Variants in PALS1 observed in about 807,000 individuals in gnomAD.
PALS1 encodes the protein protein associated with LIN7 1, MAGUK p55 family member.
Under a neutral mutation model 78.9 loss-of-function variants are expected in PALS1, and 31 were observed. The observed-to-expected ratio is 0.39, with a 90% CI of 0.30 to 0.53. The LOEUF is 0.53. Ranked by LOEUF, PALS1 falls within the 20% of genes least tolerant of loss-of-function variation. The probability of loss-of-function intolerance (pLI) is 0.67; values close to 1 mark genes in which losing one functional copy is unlikely to be tolerated. For missense variants in PALS1, 704 were observed against 826.5 expected, an observed-to-expected ratio of 0.85 and a Z score of 1.82; for synonymous variants, 276 against 270.9, an observed-to-expected ratio of 1.02 and a Z score of -0.18.
intron 1 of PALS1, among the ~76,000 whole-genome samples, chr14:67,257,185 A>G (rs1209447180): frequency 1.3e-5 from 2 of 152,172 alleles, no homozygotes; most frequent in African/African-American, 4.8e-5. Context: ...TCAGTCTTTC[A>G]CTGAATACAC....
chr14:67,269,130 C>G (rs1047909002), intron 1 of PALS1, among the ~76,000 whole-genome samples: 8 of 152,104 alleles, frequency 5.3e-5, no homozygotes, highest in African/African-American at 1.9e-4. Flanking sequence ...AGTATGTGGT[C>G]GTGGTCCTTT....
chr14:67,260,508 G>A (rs1352439090), intron 1 of PALS1, among the ~76,000 whole-genome samples: 1 of 152,126 alleles, frequency 6.6e-6, no homozygotes, highest in African/African-American at 2.4e-5. Context: ...TGATTTCAAG[G>A]TAGACAATAA....
chr14:67,285,563 G>A (rs1283152788), intron 3 of PALS1, among the ~76,000 whole-genome samples: 2 of 150,056 alleles, frequency 1.3e-5, no homozygotes, highest in Non-Finnish European at 2.9e-5. Context: ...TAGAGATGGG[G>A]TTTCACCGTG....
In PALS1 at chr14:67,280,579, C is replaced by G. The variant is rs552588537; in HGVS notation, c.367+1042C>G. Among the ~76,000 whole-genome samples, 7 of 152,144 alleles carry G rather than the reference C, an allele frequency of 4.6e-5. No homozygotes were observed. In the East Asian group the frequency reaches 1.4e-3, roughly 29 times the overall value. On this transcript the variant is annotated intron_variant, in intron 3 of 14. Transcript: ENST00000261681. ...TAGTTAAACAACTTTTTAAAGACAC[C>G]AATGGTAGAGCCAAGTTTGAATTTG... is the stretch of plus-strand genomic sequence containing the variant.
intron 1 of PALS1, chr14:67,254,396 A>G (rs1803130954): frequency 6.6e-6 from 1 of 152,036 alleles, no homozygotes; most frequent in African/African-American, 2.4e-5. Flanking sequence ...TCTTGTTTAT[A>G]AGAATATCCT....
At chr14:67,286,310 CTGT>C (rs1567521786) in intron 3 of PALS1, among the ~76,000 whole-genome samples, 1 of 152,090 alleles carries the variant, frequency 6.6e-6, no homozygotes, top group Non-Finnish European at 1.5e-5. Context: ...CTTCTTGTGT[CTGT>C]TGTCTGTCTG....
chr14:67,284,547 T>TAAAAGAAA (rs2084651687), intron 3 of PALS1, among the ~76,000 whole-genome samples: 1 of 23,296 alleles, frequency 4.3e-5, no homozygotes, highest in Non-Finnish European at 9.8e-5. Flanking sequence ...GCTGCAGTGC[T>TAAAAGAAA]AAAAAAAAAA....
intron 1 of PALS1, among the ~76,000 whole-genome samples, chr14:67,259,230 ATG>A (rs1221481387): frequency 5.3e-5 from 8 of 152,066 alleles, no homozygotes; most frequent in African/African-American, 1.9e-4. Flanking sequence ...ATTTCTATAC[ATG>A]TATACCCTGT....
At chr14:67,276,603 C>T (rs2084510214) in intron 2 of PALS1, among the ~76,000 whole-genome samples, 1 of 152,164 alleles carries the variant, frequency 6.6e-6, no homozygotes, top group South Asian at 2.1e-4. Flanking sequence ...TGACCCCTGT[C>T]TCTAACAAAT....
Position 67,311,310 on chromosome 14 carries a change from C to CAA in PALS1, c.1042-1198_1042-1197dup, listed in dbSNP as rs1164347381. On this transcript the variant is annotated intron_variant, in intron 8 of 14. Transcript: ENST00000261681. ...TGGGCAACAGAGCGAGACTCCGTCT[C>CAA]AAAAAAAAAAAAAAAAAAAAGCCAA... Among the ~76,000 whole-genome samples, 172 of 63,570 alleles carry CAA rather than the reference C, an allele frequency of 2.7e-3. 5 individuals carry two copies. Among genetic ancestry groups the CAA allele is most frequent in the South Asian group, 0.012 (25 of 2,084 alleles). 41.7% of individuals were successfully genotyped at this position (63,570 alleles called of 152,430 possible).
chr14:67,269,660 C>G (rs1479191754), intron 1 of PALS1, 41 bp from the exon 2 acceptor site: 1 of 152,574 alleles, frequency 6.6e-6, no homozygotes, highest in African/African-American at 2.4e-5. Flanking sequence ...ACACTGCAGA[C>G]ATGTACATTT....
intron 3 of PALS1, among the ~76,000 whole-genome samples, chr14:67,287,326 T>C (rs938714635): frequency 6.6e-6 from 1 of 151,728 alleles, no homozygotes; most frequent in African/African-American, 2.4e-5. Flanking sequence ...TCCATAAATA[T>C]ATTGGATTAA....
In PALS1 at chr14:67,289,768, C is replaced by CTTTTTTTTTTTTTTTTT. The variant is rs1491090879; in HGVS notation, c.368-2743_368-2742insTTTTTTTTTTTTTTTTT. ...ACATTGGGAAGATTTTTTTCCATGT[C>CTTTTTTTTTTTTTTTTT]CTTTTTTTTTTTTTTTTTTTTTGAG... On this transcript the variant is annotated intron_variant, in intron 3 of 14. Transcript: ENST00000261681. Among the ~76,000 whole-genome samples the CTTTTTTTTTTTTTTTTT allele has an allele frequency of 6.3e-5, 6 of 95,508 alleles. 3 individuals are homozygous for CTTTTTTTTTTTTTTTTT. Among genetic ancestry groups the CTTTTTTTTTTTTTTTTT allele is most frequent in the Non-Finnish European group, 8.5e-5 (4 of 46,860 alleles). 62.7% of individuals were successfully genotyped at this position (95,508 alleles called of 152,430 possible). A position where few individuals can be genotyped will look rare whatever the true frequency, so the allele number is the denominator to read the frequency against.
Position 67,321,101 on chromosome 14 carries a change from T to C in PALS1, c.1582T>C (p.Tyr528His). 6.2e-7 allele frequency: 1 copy of C among 1,614,136 alleles called. No homozygotes were observed. The highest frequency in any genetic ancestry group is 8.5e-7 in the Non-Finnish European group (1 of 1,180,004). ...AGACCAAGAAGTAGCCGGTAGAGAT[T>C]ACCACTTTGTTTCGCGGCAAGCATT... is the stretch of plus-strand genomic sequence containing the variant. ...RRDQEVAGRD[Y>H]HFVSRQAFEA... The change falls in exon 13 of 15, where the codon TAC becomes CAC. Residue 528 changes from tyrosine to histidine, a missense_variant. Transcript: ENST00000261681.
At chr14:67,325,712 G>A (rs996978175) in intron 14 of PALS1, among the ~76,000 whole-genome samples, 3 of 152,034 alleles carry the variant, frequency 2.0e-5, no homozygotes, top group Non-Finnish European at 2.9e-5. Flanking sequence ...TTCCTAACAT[G>A]CACACTTATT....
chr14:67,335,355 C>G lies in PALS1; in HGVS notation c.*2399C>G, dbSNP rs922531381. 3.9e-5 allele frequency: 6 copies of G among 152,234 alleles called. No individual in the cohort carries two copies. Among genetic ancestry groups the G allele is most frequent in the Non-Finnish European group, 7.3e-5 (5 of 68,048 alleles). 9.4% of individuals were successfully genotyped at this position (152,234 alleles called of 1,614,324 possible). On this transcript the variant is annotated 3_prime_UTR_variant, in exon 15 of 15. Transcript: ENST00000261681. ...CACTCTGGCCAATTCCATTTCCTGTCCCTCTGTGGTTCTGACTGGAGACCC... is the reference window on the plus strand; with the variant it reads ...CACTCTGGCCAATTCCATTTCCTGTGCCTCTGTGGTTCTGACTGGAGACCC...
At chr14:67,261,562 AAC>A (rs1338810689) in intron 1 of PALS1, among the ~76,000 whole-genome samples, 2 of 152,288 alleles carry the variant, frequency 1.3e-5, no homozygotes, top group East Asian at 3.9e-4. Context: ...TATTATTAAA[AAC>A]AGTTTGTCAA....
At chr14:67,301,718 G>C (rs1216133630) in intron 5 of PALS1, among the ~76,000 whole-genome samples, 1 of 152,062 alleles carries the variant, frequency 6.6e-6, no homozygotes, top group Admixed American at 6.6e-5. Context: ...TGTATTTTCT[G>C]TAAGTTTAAT....
rs2084789407 is a variant in PALS1, at chr14:67,292,582, A to G, written c.439A>G (p.Ile147Val). 3 of 1,613,724 alleles carry G rather than the reference A, an allele frequency of 1.9e-6. No homozygotes were observed. Among genetic ancestry groups the G allele is most frequent in the South Asian group, 2.2e-5 (2 of 91,072 alleles). ...TLVDSQSQED[I>V]SLLLQLVQNK... ...GGTAGATTCTCAGAGCCAGGAGGAT[A>G]TTTCACTGCTTTTACAACTTGTTCA... The change falls in exon 4 of 15, where the codon ATT becomes GTT. Residue 147 changes from isoleucine (I) to valine (V), a missense_variant. Ile to Val is a conservative substitution (Grantham distance 29). Transcript: ENST00000261681.
Sources: gnomAD v4.1 joint callset for allele counts (sites outside exome capture counted in the v4.1 genomes callset) on GRCh38, gnomAD v4.1.1 for gene constraint, MANE v1.5 for transcripts, NCBI Gene and HGNC (gene_info 2026-07-23, HGNC 2026-07-21) for gene names.